The following KLF17 variants were observed in gnomAD, a reference collection of about 807,000 sequenced individuals.
KLF17 encodes KLF transcription factor 17.
In KLF17, 31 loss-of-function variants were observed where a neutral mutation model predicts 34.2. The ratio of observed to expected loss-of-function variants is 0.91; its 90% confidence interval spans 0.68 to 1.22. The LOEUF (loss-of-function observed/expected upper bound fraction) is 1.22, where lower values mean the gene tolerates loss of function less well. Ranked by LOEUF, KLF17 falls within the 50% of genes most tolerant of loss-of-function variation. KLF17 has a pLI of 0.00. For synonymous variants in KLF17, 179 were observed against 186.7 expected, an observed-to-expected ratio of 0.96 and a Z score of 0.34; for missense variants, 478 against 505.2, an observed-to-expected ratio of 0.95 and a Z score of 0.52.
At chr1:44,053,852 A>G in the KLF17 span, among the ~76,000 whole-genome samples, 1 of 152,230 alleles carries the variant, frequency 6.6e-6, no homozygotes. Flanking sequence ...AAAACAAAGA[A>G]TTCTAGATAC....
the KLF17 span, among the ~76,000 whole-genome samples, chr1:44,087,074 G>A: frequency 6.6e-6 from 1 of 152,112 alleles, no homozygotes; most frequent in African/African-American, 2.4e-5. Flanking sequence ...TTTGGGTTTT[G>A]CCAAGCAACT....
At chr1:44,099,927 G>GAAAA in the KLF17 span, among the ~76,000 whole-genome samples, 1 of 144,176 alleles carries the variant, frequency 6.9e-6, no homozygotes, top group East Asian at 2.2e-4. Flanking sequence ...GAAAAGAAAG[G>GAAAA]GAGGGAGGGA....
the KLF17 span, among the ~76,000 whole-genome samples, chr1:44,108,580 C>CA: frequency 3.3e-5 from 5 of 149,766 alleles, no homozygotes; most frequent in Non-Finnish European, 7.4e-5. Context: ...ATGGTTTGAC[C>CA]ACTGGTGATC....
chr1:44,071,654 G>A, the KLF17 span, among the ~76,000 whole-genome samples: 1 of 152,070 alleles, frequency 6.6e-6, no homozygotes. Flanking sequence ...CCTTGTCCTA[G>A]TCACTGCTAC....
the KLF17 span, among the ~76,000 whole-genome samples, chr1:44,046,565 ACACT>A: frequency 6.6e-6 from 1 of 150,980 alleles, no homozygotes; most frequent in East Asian, 1.9e-4. Context: ...ACACACACAC[ACACT>A]CATCTAATCT....
At chr1:44,079,238 C>A in the KLF17 span, among the ~76,000 whole-genome samples, 1 of 151,810 alleles carries the variant, frequency 6.6e-6, no homozygotes, top group African/African-American at 2.4e-5. Flanking sequence ...CTGTATTATT[C>A]GGAGTTCTCT....
At chr1:44,130,309 A>G in intron 2 of KLF17, 113 bp downstream of exon 2, 1 of 1,473,306 alleles carries the variant, frequency 6.8e-7, no homozygotes, top group South Asian at 1.3e-5. Flanking sequence ...CAAGCTTGGA[A>G]CTAAGCTAGA....
upstream of KLF17, among the ~76,000 whole-genome samples, chr1:44,117,583 C>T (rs2087895304): frequency 6.6e-6 from 1 of 151,720 alleles, no homozygotes. Flanking sequence ...GGAACCTCCA[C>T]CACCCGGATT....
At chr1:44,102,614 A>ACACG in the KLF17 span, among the ~76,000 whole-genome samples, 133 of 125,840 alleles carry the variant, frequency 1.1e-3, 3 homozygotes, top group Middle Eastern at 4.4e-3. Context: ...ACACACACAC[A>ACACG]GAAAAGAAAA....
the KLF17 span, among the ~76,000 whole-genome samples, chr1:44,110,118 G>A: frequency 6.6e-6 from 1 of 152,008 alleles, no homozygotes; most frequent in South Asian, 2.1e-4. Context: ...TGTTGGCCAG[G>A]CTGGTCTCAA....
the KLF17 span, among the ~76,000 whole-genome samples, chr1:44,049,906 GT>G: frequency 1.3e-5 from 2 of 152,188 alleles, no homozygotes; most frequent in Admixed American, 6.5e-5. Context: ...TAGCTTTTCA[GT>G]TTCAAATAAT....
the KLF17 span, among the ~76,000 whole-genome samples, chr1:44,099,503 G>A: frequency 1.4e-4 from 22 of 152,088 alleles, no homozygotes; most frequent in Non-Finnish European, 2.4e-4. Context: ...ACCTGGGCCA[G>A]GTGCAGTGGC....
At chr1:44,089,960 G>A in the KLF17 span, among the ~76,000 whole-genome samples, 1 of 151,776 alleles carries the variant, frequency 6.6e-6, no homozygotes, top group Non-Finnish European at 1.5e-5. Context: ...CTAAGAATTC[G>A]AGACCAGCCT....
chr1:44,108,660 CTTTTTTTTTTT>C, the KLF17 span, among the ~76,000 whole-genome samples: 17 of 75,344 alleles, frequency 2.3e-4, no homozygotes, highest in East Asian at 2.6e-3. Context: ...TTTGTTAGCT[CTTTTTTTTTTT>C]TTTTTTTTTT....
At chr1:44,082,354 A>G in the KLF17 span, among the ~76,000 whole-genome samples, 1 of 152,260 alleles carries the variant, frequency 6.6e-6, no homozygotes, top group Non-Finnish European at 1.5e-5. Context: ...CACAGGAACT[A>G]ATCCATTTTG....
chr1:44,059,783 A>G, the KLF17 span, among the ~76,000 whole-genome samples: 2 of 151,876 alleles, frequency 1.3e-5, no homozygotes, highest in African/African-American at 4.8e-5. Flanking sequence ...TTTCCCTGTG[A>G]TACTCTGATC....
chr1:44,072,168 GT>G, the KLF17 span, among the ~76,000 whole-genome samples: 11,717 of 146,960 alleles, frequency 0.08, 438 homozygotes, highest in African/African-American at 0.093. Flanking sequence ...AGGAACCCAG[GT>G]TTTTTTTTTT....
chr1:44,089,233 G>A, the KLF17 span, among the ~76,000 whole-genome samples: 1 of 152,162 alleles, frequency 6.6e-6, no homozygotes, highest in African/African-American at 2.4e-5. Flanking sequence ...TCACAGATTG[G>A]ATTCTCCAGA....
Position 44,130,706 on chromosome 1 carries a change from G to A in KLF17, c.1120G>A (p.Ala374Thr). The A allele has an allele frequency of 6.2e-7, 1 of 1,603,208 alleles. No individual in the cohort carries two copies. The highest frequency in any genetic ancestry group is 8.5e-7 in the Non-Finnish European group (1 of 1,173,556). Residue 374 changes from alanine (A) to threonine (T), a missense_variant, in exon 3 of 4, where the codon GCC becomes ACC. Ala to Thr is a moderately conservative substitution (Grantham distance 58). Coordinates refer to ENST00000372299, the MANE Select transcript of KLF17 (RefSeq NM_173484.4). ...TCGGCCGGGACCCTCAGACCCACAGGCCAACAACAACAATGGAGAGCAGGA... is the reference window on the plus strand; with the variant it reads ...TCGGCCGGGACCCTCAGACCCACAGACCAACAACAACAATGGAGAGCAGGA... ...THRPGPSDPQ[A>T]NNNNGEQDSP...
Sources: allele counts gnomAD v4.1 joint callset (sites outside exome capture counted in the v4.1 genomes callset), GRCh38; gene constraint gnomAD v4.1.1; transcripts MANE v1.5; gene names NCBI Gene and HGNC (gene_info 2026-07-23, HGNC 2026-07-21).